Variants in TNIK observed in about 807,000 individuals in gnomAD.
TNIK encodes TRAF2 and NCK interacting kinase.
TNIK carries 49 observed loss-of-function variants against 191.3 expected under a neutral mutation model. The observed-to-expected ratio is 0.26, with a 90% CI of 0.20 to 0.32. TNIK has a LOEUF of 0.32. TNIK is among the 10% of genes least tolerant of loss of function. The pLI is 1.00. For synonymous variants in TNIK, 594 were observed against 600.9 expected, an observed-to-expected ratio of 0.99 and a Z score of 0.17; for missense variants, 1,155 against 1,702.3, an observed-to-expected ratio of 0.68 and a Z score of 5.66.
Position 171,082,384 on chromosome 3 carries a change from A to T in TNIK, c.3180T>A (p.Leu1060=). The change falls in exon 27 of 33, where the codon CTT becomes CTA. Residue 1060 remains leucine, a synonymous_variant. Coordinates refer to ENST00000436636, the MANE Select transcript of TNIK (RefSeq NM_015028.4). ...TCAGGCCATTTTCAGTCCCCACCAG[A>T]AGGTTTACACCTGTAAATTTAAGAA... ...ILCAALWGVN[L]LVGTENGLML... is the part of the protein sequence containing the mutation. 6.2e-7 allele frequency: 1 copy of T among 1,613,846 alleles called. No homozygotes were observed. Among genetic ancestry groups the T allele is most frequent in the Non-Finnish European group, 8.5e-7 (1 of 1,179,786 alleles).
chr3:171,115,217 T>C (rs1726489383), intron 18 of TNIK, among the ~76,000 whole-genome samples: 1 of 152,244 alleles, frequency 6.6e-6, no homozygotes, highest in Admixed American at 6.5e-5. Flanking sequence ...ATAAATGCTC[T>C]GAGTTTTCTT....
intron 1 of TNIK, among the ~76,000 whole-genome samples, chr3:171,457,413 C>G (rs569615253): frequency 9.6e-4 from 146 of 152,258 alleles, no homozygotes; most frequent in African/African-American, 3.4e-3. Context: ...AAAGAGCCAC[C>G]GAAACAGCGA....
At chr3:171,163,814 C>A (rs1424431998) in intron 10 of TNIK, among the ~76,000 whole-genome samples, 4 of 151,974 alleles carry the variant, frequency 2.6e-5, no homozygotes, top group African/African-American at 4.8e-5. Flanking sequence ...TAATACTTCA[C>A]CAAAATTTGC....
chr3:171,160,121 G>C (rs576061605), intron 11 of TNIK, among the ~76,000 whole-genome samples: 10 of 152,286 alleles, frequency 6.6e-5, no homozygotes, highest in African/African-American at 2.4e-4. Flanking sequence ...GTCACTACTT[G>C]GCAGTCATCT....
At chr3:171,361,563 C>A (rs1714977631) in intron 2 of TNIK, among the ~76,000 whole-genome samples, 1 of 152,154 alleles carries the variant, frequency 6.6e-6, no homozygotes. Flanking sequence ...ATCAAGCCAA[C>A]ATATTTCAAA....
At chr3:171,440,251 T>C (rs1292953165) in intron 1 of TNIK, among the ~76,000 whole-genome samples, 1 of 152,150 alleles carries the variant, frequency 6.6e-6, no homozygotes, top group African/African-American at 2.4e-5. Flanking sequence ...ACTGCCCCTT[T>C]CCTTCCCTCG....
chr3:171,332,051 G>T (rs1240208133), intron 2 of TNIK, among the ~76,000 whole-genome samples: 1 of 152,002 alleles, frequency 6.6e-6, no homozygotes, highest in East Asian at 1.9e-4. Flanking sequence ...TTTTTAAAAA[G>T]CAATATTTGT....
At chr3:171,400,957 T>C (rs114329377) in intron 1 of TNIK, among the ~76,000 whole-genome samples, 272 of 152,294 alleles carry the variant, frequency 1.8e-3, no homozygotes, top group African/African-American at 6.1e-3. Context: ...AATCTTTCTT[T>C]AAGGGGTTTG....
At chr3:171,228,252 A>G (rs1372747132) in intron 2 of TNIK, 31 bp from the exon 3 acceptor site, 2 of 1,612,666 alleles carry the variant, frequency 1.2e-6, no homozygotes, top group African/African-American at 1.3e-5. Context: ...CAAAAGATTT[A>G]GTTCTGATGA....
chr3:171,113,201 G>A (rs2108512559), intron 18 of TNIK, among the ~76,000 whole-genome samples: 2 of 152,194 alleles, frequency 1.3e-5, no homozygotes, highest in Middle Eastern at 6.8e-3. Context: ...TAAATCCTTT[G>A]TTCATGTAGC....
chr3:171,138,068 A>G (rs1730290249), intron 15 of TNIK, 123 bp downstream of exon 15: 2 of 848,296 alleles, frequency 2.4e-6, no homozygotes, highest in South Asian at 5.1e-5. Flanking sequence ...AAAGCAAAGC[A>G]TGTGTCTTAT....
At chr3:171,252,783 A>C (rs1027657920) in intron 2 of TNIK, among the ~76,000 whole-genome samples, 2 of 152,156 alleles carry the variant, frequency 1.3e-5, no homozygotes, top group African/African-American at 4.8e-5. Flanking sequence ...GGGGTAGTGG[A>C]ATGGGGAGAG....
At chr3:171,140,096 A>C (rs1730599060) in intron 13 of TNIK, among the ~76,000 whole-genome samples, 1 of 152,212 alleles carries the variant, frequency 6.6e-6, no homozygotes, top group Non-Finnish European at 1.5e-5. Flanking sequence ...AAGCAGTGAA[A>C]GAGTGGGACT....
chr3:171,068,675 G>A (rs1005111136), intron 30 of TNIK, among the ~76,000 whole-genome samples, 173 bp downstream of exon 30: 1 of 152,154 alleles, frequency 6.6e-6, no homozygotes, highest in Non-Finnish European at 1.5e-5. Context: ...ATAAAAATTA[G>A]TTAAATTTAT....
chr3:171,161,119 C>T, intron 11 of TNIK, 151 bp downstream of exon 11: 1 of 656,762 alleles, frequency 1.5e-6, no homozygotes, highest in Non-Finnish European at 2.4e-6. Context: ...GAAATTTTCC[C>T]AAATTAATGA....
chr3:171,157,722 G>A (rs1478392327), intron 11 of TNIK, 58 bp from the exon 12 acceptor site: 2 of 1,515,596 alleles, frequency 1.3e-6, no homozygotes, highest in East Asian at 4.9e-5. Flanking sequence ...TGGCTACCAA[G>A]AGGCCTTGGA....
At chr3:171,454,170 A>G (rs1295047934) in intron 1 of TNIK, among the ~76,000 whole-genome samples, 1 of 152,220 alleles carries the variant, frequency 6.6e-6, no homozygotes, top group African/African-American at 2.4e-5. Flanking sequence ...TCCAGATTCT[A>G]TCAGGAAGGG....
intron 4 of TNIK, among the ~76,000 whole-genome samples, chr3:171,201,980 A>G (rs1268776683): frequency 6.6e-6 from 1 of 152,220 alleles, no homozygotes; most frequent in African/African-American, 2.4e-5. Flanking sequence ...TACCTTGAAC[A>G]TGGCAAAGAC....
intron 1 of TNIK, among the ~76,000 whole-genome samples, chr3:171,372,213 C>T (rs1716589642): frequency 6.6e-6 from 1 of 152,146 alleles, no homozygotes. Flanking sequence ...CAATCAAAAC[C>T]AAGGAGGCTT....
Sources: gnomAD v4.1 joint callset for allele counts (sites outside exome capture counted in the v4.1 genomes callset) on GRCh38, gnomAD v4.1.1 for gene constraint, MANE v1.5 for transcripts, NCBI Gene and HGNC (gene_info 2026-07-23, HGNC 2026-07-21) for gene names.